Variants in SHANK2 observed in about 807,000 individuals in gnomAD.
SHANK2 encodes SH3 and multiple ankyrin repeat domains 2.
SHANK2 carries 43 observed loss-of-function variants against 133.7 expected under a neutral mutation model. That is an observed-to-expected ratio of 0.32 (90% CI 0.25 to 0.41). The LOEUF (loss-of-function observed/expected upper bound fraction) is 0.41, where lower values mean the gene tolerates loss of function less well. Ranked by LOEUF, SHANK2 falls within the 10% of genes least tolerant of loss-of-function variation. SHANK2 has a pLI of 1.00. For synonymous variants in SHANK2, 1,017 were observed against 952.8 expected, an observed-to-expected ratio of 1.07 and a Z score of -1.24; for missense variants, 1,994 against 2,235.8, an observed-to-expected ratio of 0.89 and a Z score of 2.18.
chr11:70,662,371 C>G (rs1555013716), intron 15 of SHANK2, among the ~76,000 whole-genome samples: 2 of 152,192 alleles, frequency 1.3e-5, no homozygotes, highest in Non-Finnish European at 2.9e-5. Flanking sequence ...CCGGCGGCTG[C>G]CTGGGCGTCA....
At chr11:70,758,190 G>C (rs531381544) in intron 14 of SHANK2, among the ~76,000 whole-genome samples, 2 of 152,334 alleles carry the variant, frequency 1.3e-5, no homozygotes, top group Admixed American at 6.5e-5. Context: ...CAATGATCGG[G>C]ATGTAAACCC....
At chr11:70,596,749 G>T (rs2060406645) in intron 17 of SHANK2, among the ~76,000 whole-genome samples, 1 of 152,134 alleles carries the variant, frequency 6.6e-6, no homozygotes, top group African/African-American at 2.4e-5. Context: ...TCTCTCCGGG[G>T]TCACGGGCAC....
rs1005057751 is a variant in SHANK2 at position 70,473,508 on chromosome 11, A to G, written c.4980-69T>C. On this transcript the variant is annotated intron_variant, in intron 25 of 25. Transcript: ENST00000601538. The surrounding 1 kb of genome is among the most constrained non-coding windows in gnomAD (Gnocchi z 5.9). ...GAGTCAGGGCAGCTGGCTGCAGATC[A>G]CCCAGGAAGGCGAGGGAGACGCCCA... is the stretch of plus-strand genomic sequence containing the variant. 1 of 1,524,836 alleles carries G rather than the reference A, an allele frequency of 6.6e-7. No individual in the cohort carries two copies. The highest frequency in any genetic ancestry group is 1.4e-5 in the African/African-American group (1 of 72,976). The allele number at this position is 1,524,836 out of a possible 1,614,324, so 94.5% of individuals were successfully genotyped here.
chr11:70,843,411 GGCGCTGTAGACAGA>G (rs11273299), intron 11 of SHANK2, among the ~76,000 whole-genome samples: 1,915 of 151,978 alleles, frequency 0.013, 37 homozygotes, highest in African/African-American at 0.042. Context: ...ATGGATGGCT[GGCGCTGTAGACAGA>G]GCTGAAATTC....
At chr11:70,531,697 T>A (rs974938033) in intron 17 of SHANK2, among the ~76,000 whole-genome samples, 1 of 152,156 alleles carries the variant, frequency 6.6e-6, no homozygotes, top group Non-Finnish European at 1.5e-5. Context: ...GGGGCTGGCA[T>A]GGGGACTGGG....
intron 9 of SHANK2, among the ~76,000 whole-genome samples, chr11:71,060,046 C>T (rs999822002): frequency 1.3e-5 from 2 of 152,152 alleles, no homozygotes; most frequent in South Asian, 2.1e-4. Flanking sequence ...TCCCCAGAGC[C>T]CCTGCACCCC....
chr11:71,114,673 G>A (rs1355534363), intron 4 of SHANK2, among the ~76,000 whole-genome samples: 1 of 152,102 alleles, frequency 6.6e-6, no homozygotes, highest in African/African-American at 2.4e-5. Flanking sequence ...AGGAGCTACA[G>A]GCCCATTTTA....
intron 17 of SHANK2, among the ~76,000 whole-genome samples, chr11:70,590,966 T>C (rs2060313377): frequency 6.6e-6 from 1 of 151,938 alleles, no homozygotes; most frequent in African/African-American, 2.4e-5. Flanking sequence ...TTAGTATCCC[T>C]CTCCCCAGTA....
At chr11:71,245,195 G>T (rs1212991886) in intron 1 of SHANK2, among the ~76,000 whole-genome samples, 3 of 151,792 alleles carry the variant, frequency 2.0e-5, no homozygotes, top group Admixed American at 2.0e-4. Context: ...GCCTAGGCTG[G>T]TCTCAAATTC....
At chr11:70,854,211 T>C (rs1949133783) in intron 11 of SHANK2, among the ~76,000 whole-genome samples, 1 of 152,174 alleles carries the variant, frequency 6.6e-6, no homozygotes, top group Non-Finnish European at 1.5e-5. Context: ...CAGAGGCAAA[T>C]AAATAATAGT....
chr11:70,576,405 C>T (rs1370041242), intron 17 of SHANK2, among the ~76,000 whole-genome samples: 7 of 152,080 alleles, frequency 4.6e-5, no homozygotes, highest in Non-Finnish European at 8.8e-5. Context: ...GAGGCCGAGG[C>T]GGGCAGATCA....
intron 17 of SHANK2, among the ~76,000 whole-genome samples, chr11:70,631,403 CACACA>C (rs2060987875): frequency 6.6e-6 from 1 of 150,938 alleles, no homozygotes; most frequent in South Asian, 2.1e-4. Context: ...CACACACACA[CACACA>C]CCCACACAAC....
intron 11 of SHANK2, among the ~76,000 whole-genome samples, chr11:70,843,694 A>T (rs1351383026): frequency 1.3e-5 from 2 of 151,902 alleles, no homozygotes; most frequent in Non-Finnish European, 2.9e-5. Context: ...AGCCTCCAGG[A>T]CTGTGAGAAC....
At chr11:70,657,374 A>C (rs2061417211) in intron 17 of SHANK2, among the ~76,000 whole-genome samples, 1 of 152,218 alleles carries the variant, frequency 6.6e-6, no homozygotes, top group South Asian at 2.1e-4. Flanking sequence ...ATAGAGAAAC[A>C]TGGTCTGTTG....
intron 15 of SHANK2, among the ~76,000 whole-genome samples, chr11:70,670,387 G>C (rs1469782381): frequency 6.6e-6 from 1 of 152,222 alleles, no homozygotes; most frequent in East Asian, 1.9e-4. Flanking sequence ...GTTACGTGGG[G>C]GGTGTTGAGG....
chr11:71,100,831 C>T (rs1555096514), intron 6 of SHANK2, among the ~76,000 whole-genome samples: 1 of 149,036 alleles, frequency 6.7e-6, no homozygotes, highest in African/African-American at 2.5e-5. Flanking sequence ...CACACCACTG[C>T]ACTCCAGCCT....
intron 17 of SHANK2, among the ~76,000 whole-genome samples, chr11:70,510,317 C>A (rs1469960539): frequency 6.6e-6 from 1 of 152,172 alleles, no homozygotes; most frequent in Non-Finnish European, 1.5e-5. Flanking sequence ...AGTGGGAACT[C>A]AGAGGCACTG....
chr11:71,216,472 G>T (rs1455797480), intron 2 of SHANK2, among the ~76,000 whole-genome samples: 1 of 152,208 alleles, frequency 6.6e-6, no homozygotes, highest in East Asian at 1.9e-4. Flanking sequence ...TGATTGGTTA[G>T]AGGGATTCAG....
At chr11:70,904,247 G>A (rs1035699640) in intron 10 of SHANK2, among the ~76,000 whole-genome samples, 1 of 152,204 alleles carries the variant, frequency 6.6e-6, no homozygotes, top group African/African-American at 2.4e-5. Flanking sequence ...AGTGCTCGGT[G>A]CCCACAGGGC....
Sources: allele counts gnomAD v4.1 joint callset (sites outside exome capture counted in the v4.1 genomes callset), GRCh38; gene constraint gnomAD v4.1.1; non-coding constraint Gnocchi (gnomAD v3.1); transcripts MANE v1.5; gene names NCBI Gene and HGNC (gene_info 2026-07-23, HGNC 2026-07-21).